Variants in TMEM229B observed in about 807,000 individuals in gnomAD.
TMEM229B encodes transmembrane protein 229B.
In TMEM229B, 6 loss-of-function variants were observed where a neutral mutation model predicts 13.7. The observed-to-expected ratio is 0.44, with a 90% CI of 0.24 to 0.86. The LOEUF is 0.86. Ranked by LOEUF, TMEM229B falls within the 40% of genes least tolerant of loss-of-function variation. The pLI is 0.23. For missense variants in TMEM229B, 170 were observed against 236.0 expected (o/e 0.72, Z 1.83); for synonymous variants, 107 against 102.1 (o/e 1.05, Z -0.29).
chr14:67,493,089 G>T (rs992190032), upstream of TMEM229B, among the ~76,000 whole-genome samples: 1 of 152,182 alleles, frequency 6.6e-6, no homozygotes, highest in Non-Finnish European at 1.5e-5. Flanking sequence ...AGCATTCCAG[G>T]CAGAGAGGAC....
At chr14:67,510,906 G>A (rs1471063508) in intron 1 of TMEM229B, among the ~76,000 whole-genome samples, 2 of 152,184 alleles carry the variant, frequency 1.3e-5, no homozygotes, top group Non-Finnish European at 2.9e-5. Flanking sequence ...TCCCTCCACT[G>A]ACTGTGCAAG....
upstream of TMEM229B, among the ~76,000 whole-genome samples, chr14:67,489,592 C>T (rs534949743): frequency 2.0e-5 from 3 of 152,298 alleles, no homozygotes; most frequent in African/African-American, 7.2e-5. Context: ...GCTCCCTCCT[C>T]ACTCCTTTGC....
intron 2 of TMEM229B, among the ~76,000 whole-genome samples, chr14:67,483,936 T>A (rs1471345687): frequency 2.0e-5 from 3 of 152,158 alleles, no homozygotes; most frequent in African/African-American, 7.2e-5. Context: ...GCTTGGGGGA[T>A]GGAGTCAGTT....
upstream of TMEM229B, among the ~76,000 whole-genome samples, chr14:67,491,893 G>A (rs969255300): frequency 4.6e-5 from 7 of 152,206 alleles, no homozygotes; most frequent in East Asian, 9.6e-4. Context: ...GGCCCAGGCC[G>A]CGGGGGCCTG....
chr14:67,530,826 C>T (rs2033432273), intron 1 of TMEM229B, among the ~76,000 whole-genome samples: 1 of 152,182 alleles, frequency 6.6e-6, no homozygotes, highest in African/African-American at 2.4e-5. Flanking sequence ...CTTGCCAATA[C>T]ATGTATATTT....
At chr14:67,483,565 G>A (rs1485240283) in intron 2 of TMEM229B, among the ~76,000 whole-genome samples, 1 of 152,236 alleles carries the variant, frequency 6.6e-6, no homozygotes, top group Non-Finnish European at 1.5e-5. Flanking sequence ...GGGTGTCAGA[G>A]TTCCTAAAGG....
At chr14:67,491,462 C>T (rs1483713073), upstream of TMEM229B, among the ~76,000 whole-genome samples, 3 of 152,190 alleles carry the variant, frequency 2.0e-5, no homozygotes, top group African/African-American at 7.2e-5. Context: ...CCCACCACTT[C>T]CCCAGTAACT....
At chr14:67,502,365 A>G (rs1010343603) in intron 1 of TMEM229B, among the ~76,000 whole-genome samples, 1 of 151,164 alleles carries the variant, frequency 6.6e-6, no homozygotes, top group African/African-American at 2.4e-5. Flanking sequence ...AAAGAAAAAA[A>G]TGCAACAGAT....
chr14:67,490,333 G>A (rs2032116411), upstream of TMEM229B, among the ~76,000 whole-genome samples: 1 of 152,156 alleles, frequency 6.6e-6, no homozygotes, highest in South Asian at 2.1e-4. Context: ...GAGGCAGAGT[G>A]GGCGGCCTGG....
rs200351455 is a variant in TMEM229B, at chr14:67,473,441, G to A, written c.483C>T (p.Asn161=). 3.2e-4 allele frequency: 522 copies of A among 1,614,080 alleles called. 6 individuals are homozygous for A. In the East Asian group the frequency reaches 9.0e-3, roughly 28 times the overall value. ...CTGCTCAGTCAGTCTTGACATGGCC[G>A]TTGGCCAGGGCTAGGGCGCCGCTGG... ...GEPSGALALA[N]GHVKTD Residue 161 remains asparagine (N), a synonymous_variant, in exon 3 of 3, where the codon AAC becomes AAT. Transcript: ENST00000554480. The surrounding 1 kb of genome is among the most constrained non-coding windows in gnomAD (Gnocchi z 6.5).
intron 1 of TMEM229B, among the ~76,000 whole-genome samples, chr14:67,522,105 G>A (rs1221402749): frequency 1.9e-4 from 29 of 152,176 alleles, no homozygotes. Flanking sequence ...CCCGGGAGGC[G>A]GAGGTTGCAG....
intron 1 of TMEM229B, among the ~76,000 whole-genome samples, chr14:67,514,686 G>C (rs10133618): frequency 0.42 from 63,342 of 151,794 alleles, 13,790 homozygotes; most frequent in East Asian, 0.48. Context: ...CCTCCACCCT[G>C]CTGAGGTGGC....
chr14:67,491,055 T>C (rs2032148442), upstream of TMEM229B, among the ~76,000 whole-genome samples: 1 of 152,170 alleles, frequency 6.6e-6, no homozygotes, highest in South Asian at 2.1e-4. Context: ...CCACTTCAGA[T>C]GCCAGTCACA....
At chr14:67,475,142 T>G (rs899152142) in intron 2 of TMEM229B, among the ~76,000 whole-genome samples, 1 of 152,190 alleles carries the variant, frequency 6.6e-6, no homozygotes, top group African/African-American at 2.4e-5. Context: ...CACAAGCCCC[T>G]GAGCTCAGGT....
intron 1 of TMEM229B, among the ~76,000 whole-genome samples, chr14:67,506,498 C>G (rs2032830604): frequency 6.6e-6 from 1 of 152,116 alleles, no homozygotes; most frequent in Admixed American, 6.5e-5. Flanking sequence ...GAAATCATCT[C>G]TCATCCCCCC....
upstream of TMEM229B, among the ~76,000 whole-genome samples, chr14:67,493,673 A>G (rs1467374303): frequency 1.3e-5 from 2 of 152,100 alleles, no homozygotes; most frequent in African/African-American, 4.8e-5. Flanking sequence ...CTGGCCAATC[A>G]CAGCACCACA....
intron 1 of TMEM229B, among the ~76,000 whole-genome samples, chr14:67,501,290 A>G (rs1005093477): frequency 6.6e-6 from 1 of 152,126 alleles, no homozygotes; most frequent in Non-Finnish European, 1.5e-5. Context: ...GAGACAAGAC[A>G]TGCACTCAGC....
chr14:67,514,987 C>T (rs1305519630), intron 1 of TMEM229B: 1 of 152,372 alleles, frequency 6.6e-6, no homozygotes, highest in Non-Finnish European at 1.5e-5. Context: ...CCCTCACCGT[C>T]CCCATCGCCC....
In TMEM229B at chr14:67,527,216, C is replaced by T. The variant is rs139188135; in HGVS notation, c.-192+6420G>A. Among the ~76,000 whole-genome samples the T allele has an allele frequency of 6.0e-3, 908 of 152,322 alleles. 11 individuals carry two copies. Among genetic ancestry groups the T allele is most frequent in the African/African-American group, 0.021 (870 of 41,570 alleles). On this transcript the variant is annotated intron_variant, in intron 1 of 2. Coordinates refer to the TMEM229B transcript ENST00000554278. ...GAGTCAGGCAGGGCAGGGTTTGTGTCCTGGCTTGGCCACTTGCTTGCTATC... is the reference window on the plus strand; with the variant it reads ...GAGTCAGGCAGGGCAGGGTTTGTGTTCTGGCTTGGCCACTTGCTTGCTATC...
Sources: allele counts gnomAD v4.1 joint callset (sites outside exome capture counted in the v4.1 genomes callset), GRCh38; gene constraint gnomAD v4.1.1; non-coding constraint Gnocchi (gnomAD v3.1); transcripts MANE v1.5; gene names NCBI Gene and HGNC (gene_info 2026-07-23, HGNC 2026-07-21).